RFC2: variants seen among roughly 807,000 people sequenced by gnomAD.
RFC2 encodes the protein replication factor C subunit 2, also known as A1 40 kDa subunit.
A neutral mutation model predicts 44.8 loss-of-function variants in RFC2; 34 were observed. That is an observed-to-expected ratio of 0.76 (90% CI 0.58 to 1.01). The LOEUF is 1.01. Ranked by LOEUF, RFC2 falls within the 50% of genes least tolerant of loss-of-function variation. The pLI is 0.00. For missense variants in RFC2, 400 were observed against 453.6 expected, an observed-to-expected ratio of 0.88 and a Z score of 1.07; for synonymous variants, 177 against 168.9, an observed-to-expected ratio of 1.05 and a Z score of -0.37.
At chr7:74,248,313 T>C (rs755688161) in intron 4 of RFC2, among the ~76,000 whole-genome samples, 18 of 151,844 alleles carry the variant, frequency 1.2e-4, no homozygotes, top group Admixed American at 6.6e-4. Context: ...GAGACCAGAC[T>C]GGGCAACATA....
intron 7 of RFC2, among the ~76,000 whole-genome samples, 182 bp from the exon 8 acceptor site, chr7:74,239,170 CTTTT>C (rs34664628): frequency 1.9e-5 from 2 of 107,974 alleles, no homozygotes; most frequent in African/African-American, 8.2e-5. Flanking sequence ...CCAAGGGTGA[CTTTT>C]TTTTTTTTTT....
intron 2 of RFC2, 116 bp downstream of exon 2, chr7:74,252,313 A>G (rs2116352144): frequency 5.0e-6 from 3 of 602,068 alleles, no homozygotes; most frequent in Non-Finnish European, 9.0e-6. Context: ...AGGCTGAGGC[A>G]GGAGAATGGC....
In RFC2 at chr7:74,243,128, C is replaced by G; in HGVS notation, c.535+18G>C. ...TTGAGCACCACGTGGCCCCCAGCCA[C>G]CGAAAGCTCCCACTCACCGATGATC... On this transcript the variant is annotated intron_variant, in intron 6 of 10. Transcript: ENST00000055077. 6 of 1,576,368 alleles carry G rather than the reference C, an allele frequency of 3.8e-6. No homozygotes were observed. The highest frequency in any genetic ancestry group is 4.4e-6 in the Non-Finnish European group (5 of 1,146,082).
At chr7:74,252,536 C>A (rs782638188) in intron 1 of RFC2, 38 bp from the exon 2 acceptor site, 3 of 1,179,648 alleles carry the variant, frequency 2.5e-6, no homozygotes, top group African/African-American at 3.0e-5. Context: ...ACATGGTTAT[C>A]TTCACACTAC....
At chr7:74,249,449 A>G (rs1228056171) in intron 3 of RFC2, among the ~76,000 whole-genome samples, 1 of 152,058 alleles carries the variant, frequency 6.6e-6, no homozygotes, top group Non-Finnish European at 1.5e-5. Flanking sequence ...GCTGAGGTAC[A>G]AGAATCGCTT....
intron 9 of RFC2, among the ~76,000 whole-genome samples, chr7:74,236,605 G>C (rs1279796315): frequency 5.9e-5 from 9 of 152,110 alleles, no homozygotes; most frequent in African/African-American, 2.2e-4. Flanking sequence ...GCTAGCTGGG[G>C]GCTGCTGGAT....
chr7:74,246,413 A>C (rs1803612405), intron 5 of RFC2, among the ~76,000 whole-genome samples: 3 of 151,350 alleles, frequency 2.0e-5, no homozygotes, highest in African/African-American at 4.9e-5. Context: ...AAAAAAAAAA[A>C]CAAAAACCCT....
intron 9 of RFC2, 61 bp downstream of exon 9, chr7:74,237,301 C>T (rs782750423): frequency 2.3e-5 from 27 of 1,184,528 alleles, no homozygotes; most frequent in Admixed American, 1.8e-4. Context: ...GAAGGGCTCC[C>T]GCTCTCCTCT....
rs782311620 is a variant in RFC2 at position 74,254,255 on chromosome 7, C to T, written c.113+16G>A. On this transcript the variant is annotated intron_variant, in intron 1 of 10. Coordinates refer to ENST00000055077, the MANE Select transcript of RFC2 (RefSeq NM_181471.3). ...CACGTCCAAACGCGCCCATTCTTTA[C>T]GGCCTGGGACCTCACCACGGCAGTT... 5 of 1,586,810 alleles carry T rather than the reference C, an allele frequency of 3.2e-6. No individual in the cohort carries two copies. Among genetic ancestry groups the T allele is most frequent in the East Asian group, 4.5e-5 (2 of 44,646 alleles).
intron 2 of RFC2, among the ~76,000 whole-genome samples, chr7:74,252,127 G>C (rs1384383104): frequency 8.6e-6 from 1 of 116,594 alleles, no homozygotes; most frequent in Non-Finnish European, 1.7e-5. Context: ...AAAAAAAAAG[G>C]CCAGGTGTGG....
At chr7:74,237,157 A>C (rs1803067170) in intron 9 of RFC2, 1 of 427,668 alleles carries the variant, frequency 2.3e-6, no homozygotes, top group East Asian at 3.5e-5. Flanking sequence ...ACCATCACCC[A>C]GGCTGGGGTA....
chr7:74,234,979 A>G (rs1477861593), intron 10 of RFC2, among the ~76,000 whole-genome samples: 2 of 152,148 alleles, frequency 1.3e-5, no homozygotes, highest in Non-Finnish European at 2.9e-5. Context: ...CAGTTGGGAA[A>G]CACTGAGCAC....
Position 74,247,248 on chromosome 7 carries a change from C to A in RFC2, c.333-485G>T, listed in dbSNP as rs781996845. On this transcript the variant is annotated intron_variant, in intron 4 of 10. Coordinates refer to ENST00000055077, the MANE Select transcript of RFC2 (RefSeq NM_181471.3). ...TTGTTATCTTGTAAGCTTTCACTAA[C>A]CACAGCCAAGAATTCAAAATTTTTC... 3.9e-5 allele frequency among the ~76,000 whole-genome samples: 6 copies of A among 152,134 alleles called. 1 individual carries two copies. In the East Asian group the frequency reaches 1.2e-3, roughly 29 times the overall value.
At chr7:74,252,063 C>A (rs1225271338) in intron 2 of RFC2, among the ~76,000 whole-genome samples, 1 of 130,556 alleles carries the variant, frequency 7.7e-6, no homozygotes, top group South Asian at 2.5e-4. Context: ...TACGCCAATG[C>A]GCTCCAGCCT....
In RFC2 at chr7:74,247,024, G is replaced by A. The variant is rs556867253; in HGVS notation, c.333-261C>T. Reference sequence around the variant, plus strand: ...AGGGTCTCGCTGTGTCATCCAGGCTGGAGTGCAGTGGCCCTCTTGGCTCAC... The same window carrying A: ...AGGGTCTCGCTGTGTCATCCAGGCTAGAGTGCAGTGGCCCTCTTGGCTCAC... On this transcript the variant is annotated intron_variant, in intron 4 of 10. Coordinates refer to ENST00000055077, the MANE Select transcript of RFC2 (RefSeq NM_181471.3). Among the ~76,000 whole-genome samples, 277 of 145,340 alleles carry A rather than the reference G, an allele frequency of 1.9e-3. 1 individual carries two copies. The highest frequency in any genetic ancestry group is 0.017 in the Middle Eastern group (5 of 286).
At chr7:74,246,078 C>A (rs1412683750) in intron 5 of RFC2, among the ~76,000 whole-genome samples, 1 of 152,008 alleles carries the variant, frequency 6.6e-6, no homozygotes, top group East Asian at 1.9e-4. Context: ...TGCCTGTAGT[C>A]TCAGCTACTC....
intron 2 of RFC2, among the ~76,000 whole-genome samples, chr7:74,251,894 G>C (rs1338339314): frequency 7.2e-6 from 1 of 138,172 alleles, no homozygotes; most frequent in South Asian, 2.4e-4. Flanking sequence ...TCAGGAGATC[G>C]AGACCATCCT....
chr7:74,239,902 A>C, intron 7 of RFC2, 36 bp downstream of exon 7: 1 of 1,544,118 alleles, frequency 6.5e-7, no homozygotes, highest in South Asian at 1.2e-5. Context: ...TGGCAGGCAC[A>C]GGATGCCCAC....
At chr7:74,246,879 T>A in intron 4 of RFC2, 116 bp from the exon 5 acceptor site, 1 of 545,954 alleles carries the variant, frequency 1.8e-6, no homozygotes, top group Middle Eastern at 2.8e-4. Context: ...CATTTTTGAG[T>A]TTTTTTGGGG....
Sources: gnomAD v4.1 joint callset for allele counts (sites outside exome capture counted in the v4.1 genomes callset) on GRCh38, gnomAD v4.1.1 for gene constraint, MANE v1.5 for transcripts, NCBI Gene and HGNC (gene_info 2026-07-23, HGNC 2026-07-21) for gene names.